UGT1A10: variants seen among roughly 807,000 people sequenced by gnomAD.
UGT1A10 encodes UDP glucuronosyltransferase family 1 member A10, also known as UDP-glucuronosyltransferase 1A10.
UGT1A10 carries 49 observed loss-of-function variants against 45.8 expected under a neutral mutation model. The ratio of observed to expected loss-of-function variants is 1.07; its 90% confidence interval spans 0.85 to 1.36. UGT1A10 has a LOEUF of 1.36. Among genes scored for constraint, UGT1A10 ranks in the 40% most tolerant of loss-of-function variants. UGT1A10 has a pLI of 0.00. For missense variants in UGT1A10, 745 were observed against 668.6 expected (o/e 1.11, Z -1.26); for synonymous variants, 284 against 249.7 (o/e 1.14, Z -1.29).
At chr2:233,690,776 TACAC>T (rs34459843) in intron 1 of UGT1A10, 316,428 of 1,034,224 alleles carry the variant, frequency 0.31, 30,806 homozygotes, top group South Asian at 0.36. Context: ...CACACACACA[TACAC>T]ACACACACAC....
At chr2:233,653,329 G>T (rs1245050773) in intron 1 of UGT1A10, among the ~76,000 whole-genome samples, 1 of 152,188 alleles carries the variant, frequency 6.6e-6, no homozygotes, top group Non-Finnish European at 1.5e-5. Context: ...ATCTTTGCAA[G>T]CGTAAACCCT....
intron 1 of UGT1A10, among the ~76,000 whole-genome samples, chr2:233,744,652 A>G (rs754395729): frequency 1.6e-4 from 24 of 151,892 alleles, no homozygotes; most frequent in Non-Finnish European, 2.8e-4. Flanking sequence ...TCTGTATTCA[A>G]TCTACTGTGA....
chr2:233,670,052 A>G (rs1485342461), intron 1 of UGT1A10, among the ~76,000 whole-genome samples: 2 of 152,224 alleles, frequency 1.3e-5, no homozygotes, highest in East Asian at 3.8e-4. Context: ...AAGCCTTACC[A>G]ATAACAGAAA....
At chr2:233,760,529 T>C (rs1169787218) in intron 1 of UGT1A10, 1 of 1,614,248 alleles carries the variant, frequency 6.2e-7, no homozygotes, top group Middle Eastern at 1.6e-4. Flanking sequence ...ACGTACCCTG[T>C]GCCATTCCAA....
At chr2:233,663,370 G>T (rs902232911) in intron 1 of UGT1A10, among the ~76,000 whole-genome samples, 2 of 152,152 alleles carry the variant, frequency 1.3e-5, no homozygotes, top group Non-Finnish European at 2.9e-5. Flanking sequence ...AGTAATCCAG[G>T]AGTGCTGATT....
intron 1 of UGT1A10, chr2:233,755,272 T>C (rs1695839667): frequency 2.6e-6 from 2 of 758,302 alleles, no homozygotes. Context: ...TCCACTATGC[T>C]GGACTGCCAA....
In UGT1A10 at chr2:233,655,418, A is replaced by C. The variant is rs550952113; in HGVS notation, c.855+18041A>C. 3.3e-5 allele frequency among the ~76,000 whole-genome samples: 5 copies of C among 152,266 alleles called. 1 individual carries two copies. The highest frequency in any genetic ancestry group is 1.2e-4 in the African/African-American group (5 of 41,550). The stretch of plus-strand genomic sequence containing the variant: ...GACAGCAGGTCACTGTCACTGGAGC[A>C]CTGGAAGCTGGCCACATCATTAGCA... On this transcript the variant is annotated intron_variant, in intron 1 of 4. Coordinates refer to ENST00000344644, the MANE Select transcript of UGT1A10 (RefSeq NM_019075.4).
chr2:233,730,339 G>T (rs954764150), intron 1 of UGT1A10, among the ~76,000 whole-genome samples: 16 of 152,296 alleles, frequency 1.1e-4, no homozygotes, highest in Non-Finnish European at 7.4e-5. Context: ...GTTTGGAACT[G>T]ATCCATCCTG....
At chr2:233,737,120 A>C (rs948512181) in intron 1 of UGT1A10, among the ~76,000 whole-genome samples, 9 of 152,336 alleles carry the variant, frequency 5.9e-5, no homozygotes, top group African/African-American at 2.2e-4. Flanking sequence ...CATGTTCAGA[A>C]GTTGTCTGCT....
At chr2:233,671,495 A>G (rs532196493) in intron 1 of UGT1A10, among the ~76,000 whole-genome samples, 1 of 152,344 alleles carries the variant, frequency 6.6e-6, no homozygotes, top group South Asian at 2.1e-4. Flanking sequence ...TGCTTAGAGC[A>G]TGAGTTGCCA....
Position 233,719,112 on chromosome 2 carries a change from C to T in UGT1A10, c.856-47922C>T, listed in dbSNP as rs201323245. On this transcript the variant is annotated intron_variant, in intron 1 of 4. Transcript: ENST00000344644. ...TGATCGCGTTACGCTGGGCTACACT[C>T]AAGGGTTCTTTGAAACAGAACATCT... 6.5e-5 allele frequency: 105 copies of T among 1,614,240 alleles called. 2 individuals are homozygous for T. The East Asian group carries it at 1.8e-3, about 28-fold the overall frequency.
chr2:233,653,891 C>A (rs1473287332), intron 1 of UGT1A10, among the ~76,000 whole-genome samples: 1 of 152,200 alleles, frequency 6.6e-6, no homozygotes, highest in Non-Finnish European at 1.5e-5. Flanking sequence ...GCCACCACGC[C>A]CGGCCAAGAA....
intron 1 of UGT1A10, chr2:233,718,823 G>A (rs1052666915): frequency 1.2e-6 from 2 of 1,613,376 alleles, no homozygotes; most frequent in African/African-American, 2.7e-5. Context: ...CTGCTGAGAT[G>A]GCCAGAGGAC....
chr2:233,659,549 C>T (rs972759974), intron 1 of UGT1A10, among the ~76,000 whole-genome samples: 10 of 152,038 alleles, frequency 6.6e-5, no homozygotes, highest in Non-Finnish European at 1.5e-4. Context: ...TGATTGTCCT[C>T]CACTGAGTAG....
intron 1 of UGT1A10, among the ~76,000 whole-genome samples, chr2:233,639,168 A>G (rs371659119): frequency 6.6e-6 from 1 of 152,200 alleles, no homozygotes; most frequent in East Asian, 1.9e-4. Flanking sequence ...ACATTAAACT[A>G]TATATGGTTT....
At chr2:233,728,118 A>T (rs567951320) in intron 1 of UGT1A10, among the ~76,000 whole-genome samples, 4 of 152,254 alleles carry the variant, frequency 2.6e-5, no homozygotes, top group African/African-American at 9.6e-5. Flanking sequence ...TCCATCTTGA[A>T]ATTTGGACTA....
rs986724636 is a variant in UGT1A10 at position 233,682,888 on chromosome 2, A to G, written c.855+45511A>G. On this transcript the variant is annotated intron_variant, in intron 1 of 4. Transcript: ENST00000344644. Reference sequence around the variant, plus strand: ...ATAATTTATCATTTACATTTGTCCCATTTGGAATTTCTTTCTGGTTTAAGG... The same window carrying G: ...ATAATTTATCATTTACATTTGTCCCGTTTGGAATTTCTTTCTGGTTTAAGG... 1.2e-5 allele frequency: 18 copies of G among 1,508,748 alleles called. No individual in the cohort carries two copies. In the African/African-American group the frequency reaches 2.5e-4, roughly 21 times the overall value. 93.5% of individuals were successfully genotyped at this position (1,508,748 alleles called of 1,614,324 possible). A position where few individuals can be genotyped will look rare whatever the true frequency, so the allele number is the denominator to read the frequency against.
At chr2:233,718,963 T>C (rs138086321) in intron 1 of UGT1A10, 288 of 1,614,194 alleles carry the variant, frequency 1.8e-4, no homozygotes, top group South Asian at 4.9e-4. Context: ...CGGGAGGCCT[T>C]GCGGGAGCTC....
At chr2:233,742,286 A>G (rs1691931805) in intron 1 of UGT1A10, among the ~76,000 whole-genome samples, 1 of 152,016 alleles carries the variant, frequency 6.6e-6, no homozygotes, top group African/African-American at 2.4e-5. Context: ...CATCATTTCT[A>G]TAGATTATAG....
Sources: gnomAD v4.1 joint callset for allele counts (sites outside exome capture counted in the v4.1 genomes callset) on GRCh38, gnomAD v4.1.1 for gene constraint, MANE v1.5 for transcripts, NCBI Gene and HGNC (gene_info 2026-07-23, HGNC 2026-07-21) for gene names.